The following PITRM1 variants were observed in gnomAD, a reference collection of about 807,000 sequenced individuals.
PITRM1 encodes pitrilysin metallopeptidase 1.
Under a neutral mutation model 129.9 loss-of-function variants are expected in PITRM1, and 100 were observed. That is an observed-to-expected ratio of 0.77 (90% CI 0.65 to 0.91). The LOEUF is 0.91. Ranked by LOEUF, PITRM1 falls within the 40% of genes least tolerant of loss-of-function variation. The pLI is 0.00. For missense variants in PITRM1, 1,471 were observed against 1,318.3 expected, an observed-to-expected ratio of 1.12 and a Z score of -1.79; for synonymous variants, 591 against 508.8, an observed-to-expected ratio of 1.16 and a Z score of -2.17.
At chr10:3,162,388 C>G (rs1842530478) in intron 7 of PITRM1, among the ~76,000 whole-genome samples, 3 of 152,162 alleles carry the variant, frequency 2.0e-5, no homozygotes, top group Non-Finnish European at 4.4e-5. Context: ...TTCGCAAACT[C>G]TAATAAAGTA....
chr10:3,161,774 C>T (rs1842458285), intron 7 of PITRM1, among the ~76,000 whole-genome samples: 1 of 151,124 alleles, frequency 6.6e-6, no homozygotes, highest in Non-Finnish European at 1.5e-5. Flanking sequence ...CATCTGATCA[C>T]ATAATCTCAA....
chr10:3,143,653 G>A (rs981662342), intron 22 of PITRM1, 152 bp from the exon 23 acceptor site: 10 of 715,958 alleles, frequency 1.4e-5, no homozygotes, highest in Middle Eastern at 4.6e-4. Flanking sequence ...CCATCTCCGT[G>A]ACACTCTGCA....
At chr10:3,151,452 A>G in intron 14 of PITRM1, 89 bp from the exon 15 acceptor site, 1 of 811,570 alleles carries the variant, frequency 1.2e-6, no homozygotes, top group Non-Finnish European at 2.1e-6. Flanking sequence ...CTTAACATCC[A>G]GAATTAGCCG....
In PITRM1 at chr10:3,167,060, A is replaced by C; in HGVS notation, c.160-18T>G. On this transcript the variant is annotated intron_variant, in intron 2 of 26. Transcript: ENST00000224949. The stretch of plus-strand genomic sequence containing the variant: ...GATGTCACCTGAGTTAACAAGAAAA[A>C]CACGACCAGTTAAACTTAGACAAAA... 1 of 1,496,472 alleles carries C rather than the reference A, an allele frequency of 6.7e-7. No individual in the cohort carries two copies. Among genetic ancestry groups the C allele is most frequent in the Non-Finnish European group, 9.2e-7 (1 of 1,087,186 alleles). The allele number at this position is 1,496,472 out of a possible 1,614,324, so 92.7% of individuals were successfully genotyped here.
chr10:3,139,060 C>T lies in PITRM1; in HGVS notation c.2772-11G>A. ...ATTGTATTTGGGTCCCTAGGAAACC[C>T]AGAGAAATAAACGGGCAAGCATTTT... On this transcript the variant is annotated splice_polypyrimidine_tract_variant and intron_variant, in intron 24 of 26. Coordinates refer to ENST00000224949, the MANE Select transcript of PITRM1 (RefSeq NM_014889.4). 1.9e-6 allele frequency: 3 copies of T among 1,612,406 alleles called. No homozygotes were observed. Among genetic ancestry groups the T allele is most frequent in the South Asian group, 1.1e-5 (1 of 90,984 alleles).
chr10:3,137,877 A>C lies in PITRM1; in HGVS notation c.*154T>G. Reference sequence around the variant, plus strand: ...AATGAACCTCTTCCTGGTCACTCTTAAGATAGATCTGAGTTTTTGACTCGC... The same window carrying C: ...AATGAACCTCTTCCTGGTCACTCTTCAGATAGATCTGAGTTTTTGACTCGC... On this transcript the variant is annotated 3_prime_UTR_variant, in exon 27 of 27. Coordinates refer to ENST00000224949, the MANE Select transcript of PITRM1 (RefSeq NM_014889.4). The C allele has an allele frequency of 1.7e-6, 1 of 605,364 alleles. No homozygotes were observed. Among genetic ancestry groups the C allele is most frequent in the Non-Finnish European group, 2.9e-6 (1 of 339,406 alleles). The allele number at this position is 605,364 out of a possible 1,614,324, so 37.5% of individuals were successfully genotyped here.
rs1321311744 is a variant in PITRM1, at chr10:3,165,224, G to A, written c.630+14C>T. 17 of 1,521,190 alleles carry A rather than the reference G, an allele frequency of 1.1e-5. No individual in the cohort carries two copies. Among genetic ancestry groups the A allele is most frequent in the Non-Finnish European group, 1.4e-5 (16 of 1,129,070 alleles). 94.2% of individuals were successfully genotyped at this position (1,521,190 alleles called of 1,614,324 possible). On this transcript the variant is annotated intron_variant, in intron 6 of 26. Coordinates refer to ENST00000224949, the MANE Select transcript of PITRM1 (RefSeq NM_014889.4). ...GGTAAGCTGAACACAACATAAAAAAGGAAGAAAACTTACAAACGCTCCCTT... is the reference window on the plus strand; with the variant it reads ...GGTAAGCTGAACACAACATAAAAAAAGAAGAAAACTTACAAACGCTCCCTT...
chr10:3,152,043 G>A (rs890550966), intron 14 of PITRM1, among the ~76,000 whole-genome samples: 1 of 152,090 alleles, frequency 6.6e-6, no homozygotes, highest in African/African-American at 2.4e-5. Context: ...CACTGCACCT[G>A]GCCCTATACT....
chr10:3,141,633 C>A (rs1218269426), intron 23 of PITRM1: 1 of 469,204 alleles, frequency 2.1e-6, no homozygotes, highest in East Asian at 7.0e-5. Flanking sequence ...CGACAGAAGG[C>A]GGGGCAGACA....
upstream of PITRM1, chr10:3,172,820 C>T (rs1468987687): frequency 2.6e-6 from 4 of 1,522,766 alleles, no homozygotes; most frequent in South Asian, 3.7e-5. Flanking sequence ...CTTAACCCGA[C>T]GCAGGGCGCG....
intron 15 of PITRM1, among the ~76,000 whole-genome samples, chr10:3,150,409 C>A (rs764578448): frequency 1.3e-5 from 2 of 152,236 alleles, no homozygotes; most frequent in Admixed American, 6.5e-5. Flanking sequence ...CGCCCACACA[C>A]ACACACACAT....
intron 20 of PITRM1, chr10:3,146,523 C>G (rs1043386957): frequency 6.6e-6 from 1 of 152,392 alleles, no homozygotes; most frequent in Non-Finnish European, 1.5e-5. Context: ...GCCAAGAGAC[C>G]CTGATCGCCA....
At chr10:3,148,576 T>C (rs1182439480) in intron 16 of PITRM1, 2 of 364,780 alleles carry the variant, frequency 5.5e-6, no homozygotes, top group South Asian at 6.0e-5. Flanking sequence ...AACACCATTC[T>C]AAAATAGGCA....
In PITRM1 at chr10:3,147,672, T is replaced by C. The variant is rs555697226; in HGVS notation, c.2135A>G (p.Asn712Ser). Reference sequence around the variant, plus strand: ...CAGGTGCCCAGAGTCAGGAATTCCATTGGCGAGCTCCTGGGCGGTCATCTT... The same window carrying C: ...CAGGTGCCCAGAGTCAGGAATTCCACTGGCGAGCTCCTGGGCGGTCATCTT... ...LVKMTAQELA[N>S]GIPDSGHLYA... The change falls in exon 19 of 27, where the codon AAT becomes AGT. Residue 712 changes from asparagine to serine, a missense_variant. Physicochemically the swap from Asn to Ser is conservative, Grantham distance 46. Coordinates refer to ENST00000224949, the MANE Select transcript of PITRM1 (RefSeq NM_014889.4). 6.2e-6 allele frequency: 10 copies of C among 1,613,684 alleles called. No homozygotes were observed. Among genetic ancestry groups the C allele is most frequent in the Middle Eastern group, 3.3e-4 (2 of 6,062 alleles).
intron 14 of PITRM1, among the ~76,000 whole-genome samples, chr10:3,154,726 CT>C: frequency 6.6e-6 from 1 of 152,222 alleles, no homozygotes; most frequent in Non-Finnish European, 1.5e-5. Context: ...GAATACAGGC[CT>C]TTATCAGACA....
At chr10:3,147,490 A>G in intron 19 of PITRM1, 82 bp downstream of exon 19, 1 of 1,418,392 alleles carries the variant, frequency 7.1e-7, no homozygotes. Flanking sequence ...TGGGACATAA[A>G]TTAATGTATT....
At chr10:3,165,652 TG>T in intron 4 of PITRM1, 125 bp from the exon 5 acceptor site, 1 of 656,684 alleles carries the variant, frequency 1.5e-6, no homozygotes, top group Non-Finnish European at 2.7e-6. Flanking sequence ...GATGGGGCAG[TG>T]GCCCCATGCT....
chr10:3,140,952 GTTTT>G (rs1156652543), intron 23 of PITRM1, 140 bp from the exon 24 acceptor site: 5 of 778,902 alleles, frequency 6.4e-6, no homozygotes, highest in African/African-American at 3.5e-5. Context: ...TTTTGGTCTT[GTTTT>G]TTAAGAGATG....
At chr10:3,160,181 C>A in intron 8 of PITRM1, 23 bp downstream of exon 8, 1 of 1,612,498 alleles carries the variant, frequency 6.2e-7, no homozygotes, top group South Asian at 1.1e-5. Context: ...CCAGGAAGGA[C>A]ACAAACACGG....
Sources: gnomAD v4.1 joint callset for allele counts (sites outside exome capture counted in the v4.1 genomes callset) on GRCh38, gnomAD v4.1.1 for gene constraint, MANE v1.5 for transcripts, NCBI Gene and HGNC (gene_info 2026-07-23, HGNC 2026-07-21) for gene names.